Variants in RIT2 observed in about 807,000 individuals in gnomAD.
RIT2 encodes the protein Ras like without CAAX 2.
In RIT2, 24 loss-of-function variants were observed where a neutral mutation model predicts 23.7. The observed-to-expected ratio is 1.01, with a 90% confidence interval of 0.73 to 1.43. The LOEUF is 1.43. Ranked by LOEUF, RIT2 falls within the 40% of genes most tolerant of loss-of-function variation. The probability of loss-of-function intolerance (pLI) is 0.00; values close to 1 mark genes in which losing one functional copy is unlikely to be tolerated. For synonymous variants in RIT2, 107 were observed against 91.1 expected, an observed-to-expected ratio of 1.17 and a Z score of -0.99; for missense variants, 236 against 266.9, an observed-to-expected ratio of 0.88 and a Z score of 0.81.
At chr18:42,901,993 T>C (rs919571616) in intron 4 of RIT2, among the ~76,000 whole-genome samples, 3 of 151,956 alleles carry the variant, frequency 2.0e-5, no homozygotes, top group Admixed American at 6.6e-5. Flanking sequence ...TGTCTTCTTT[T>C]AGACCAGGCA....
At chr18:42,988,731 C>A in intron 2 of RIT2, among the ~76,000 whole-genome samples, 1 of 152,092 alleles carries the variant, frequency 6.6e-6, no homozygotes, top group Non-Finnish European at 1.5e-5. Context: ...CAAGAGAAAG[C>A]GGAAAGCAGG....
At chr18:42,981,776 A>G (rs947062589) in intron 2 of RIT2, among the ~76,000 whole-genome samples, 1 of 152,204 alleles carries the variant, frequency 6.6e-6, no homozygotes, top group African/African-American at 2.4e-5. Context: ...CAATAAAATA[A>G]GCAATAATAA....
chr18:43,105,473 A>AGAGGAAGG (rs1442427261), intron 1 of RIT2, among the ~76,000 whole-genome samples: 2 of 125,098 alleles, frequency 1.6e-5, no homozygotes, highest in African/African-American at 5.9e-5. Flanking sequence ...AGGGAGGAAG[A>AGAGGAAGG]GAGGAAGGGA....
At chr18:42,974,376 T>C (rs1910433368) in intron 2 of RIT2, among the ~76,000 whole-genome samples, 2 of 152,006 alleles carry the variant, frequency 1.3e-5, no homozygotes, top group African/African-American at 2.4e-5. Flanking sequence ...AATTTTGCGA[T>C]CTGAGGCGCC....
intron 2 of RIT2, among the ~76,000 whole-genome samples, chr18:42,977,590 G>T (rs1910503765): frequency 6.6e-6 from 1 of 151,854 alleles, no homozygotes. Flanking sequence ...ATTGCTAGCT[G>T]CTGGAGCTTT....
At chr18:42,804,814 G>C (rs1178874798) in intron 4 of RIT2, among the ~76,000 whole-genome samples, 1 of 151,978 alleles carries the variant, frequency 6.6e-6, no homozygotes, top group African/African-American at 2.4e-5. Flanking sequence ...TTAATTTGCA[G>C]GCATAAATTT....
At chr18:42,919,264 C>A (rs1272363317) in intron 4 of RIT2, among the ~76,000 whole-genome samples, 4 of 152,206 alleles carry the variant, frequency 2.6e-5, no homozygotes, top group African/African-American at 9.6e-5. Context: ...AGATATATCA[C>A]TAAAGAATAA....
At chr18:42,897,948 C>T (rs1172078511) in intron 4 of RIT2, among the ~76,000 whole-genome samples, 2 of 152,172 alleles carry the variant, frequency 1.3e-5, no homozygotes, top group African/African-American at 4.8e-5. Context: ...GTATGGTTAA[C>T]ATCTCTGGCA....
intron 2 of RIT2, among the ~76,000 whole-genome samples, chr18:43,030,990 C>T (rs1054002025): frequency 7.2e-5 from 11 of 151,878 alleles, no homozygotes; most frequent in Non-Finnish European, 1.5e-4. Context: ...GTATCTAAAC[C>T]CTTAGCCAGG....
intron 4 of RIT2, among the ~76,000 whole-genome samples, chr18:42,807,282 C>T (rs995971622): frequency 2.0e-5 from 3 of 152,032 alleles, no homozygotes; most frequent in Admixed American, 6.6e-5. Context: ...TTTAAGCAGC[C>T]TTGAATAAAG....
chr18:42,891,819 C>T (rs184816247), intron 4 of RIT2, among the ~76,000 whole-genome samples: 2 of 152,216 alleles, frequency 1.3e-5, no homozygotes, highest in East Asian at 1.9e-4. Context: ...ATGATAGACA[C>T]ATGTTATTAT....
At chr18:42,966,234 T>A (rs1199495758) in intron 3 of RIT2, among the ~76,000 whole-genome samples, 1 of 152,130 alleles carries the variant, frequency 6.6e-6, no homozygotes, top group Non-Finnish European at 1.5e-5. Flanking sequence ...CAGCAGTAAT[T>A]ATAGGATGCA....
intron 3 of RIT2, among the ~76,000 whole-genome samples, chr18:42,935,716 G>C (rs375610826): frequency 6.6e-6 from 1 of 152,104 alleles, no homozygotes. Flanking sequence ...AACAAAGTGC[G>C]CAAAGTAACA....
At chr18:42,998,752 T>C (rs1911041384) in intron 2 of RIT2, among the ~76,000 whole-genome samples, 1 of 152,048 alleles carries the variant, frequency 6.6e-6, no homozygotes, top group African/African-American at 2.4e-5. Flanking sequence ...GCCAAGTGGG[T>C]GTGCTAAAGC....
At chr18:42,757,161 T>A (rs1255977026) in intron 4 of RIT2, among the ~76,000 whole-genome samples, 1 of 152,200 alleles carries the variant, frequency 6.6e-6, no homozygotes, top group Non-Finnish European at 1.5e-5. Context: ...AAACCCTCCA[T>A]GAATTAACTA....
chr18:42,960,000 C>G (rs1478868807), intron 3 of RIT2, among the ~76,000 whole-genome samples: 1 of 152,046 alleles, frequency 6.6e-6, no homozygotes, highest in African/African-American at 2.4e-5. Flanking sequence ...AAAGAGGATA[C>G]TTTTAAAAAG....
intron 4 of RIT2, among the ~76,000 whole-genome samples, chr18:42,876,412 T>A (rs979983867): frequency 6.6e-6 from 1 of 151,566 alleles, no homozygotes; most frequent in Non-Finnish European, 1.5e-5. Flanking sequence ...TGTGGAGTTA[T>A]CATTTTTAGG....
At chr18:42,938,623 T>C (rs928893456) in intron 3 of RIT2, among the ~76,000 whole-genome samples, 2 of 152,302 alleles carry the variant, frequency 1.3e-5, no homozygotes, top group East Asian at 3.9e-4. Context: ...AATGTTAGAA[T>C]TGAAGAAAGA....
chr18:43,109,123 C>T (rs565776600), intron 1 of RIT2, among the ~76,000 whole-genome samples: 5 of 152,270 alleles, frequency 3.3e-5, no homozygotes, highest in South Asian at 2.1e-4. Flanking sequence ...TGCTGCTTTC[C>T]GTTTACCTCA....
Sources: gnomAD v4.1 joint callset for allele counts (sites outside exome capture counted in the v4.1 genomes callset) on GRCh38, gnomAD v4.1.1 for gene constraint, MANE v1.5 for transcripts, NCBI Gene and HGNC (gene_info 2026-07-23, HGNC 2026-07-21) for gene names.